The following FARP1 variants were observed in gnomAD, a reference collection of about 807,000 sequenced individuals.
FARP1 encodes FERM, ARHGEF and pleckstrin domain-containing protein 1.
Under a neutral mutation model 128.8 loss-of-function variants are expected in FARP1, and 52 were observed. The observed-to-expected ratio is 0.40, with a 90% CI of 0.32 to 0.51. FARP1 has a LOEUF of 0.51. Ranked by LOEUF, FARP1 falls within the 20% of genes least tolerant of loss-of-function variation. The pLI is 0.45. For synonymous variants in FARP1, 580 were observed against 551.8 expected (o/e 1.05, Z -0.72); for missense variants, 1,333 against 1,367.9 (o/e 0.97, Z 0.40).
At chr13:98,203,149 AGTCAGCTCTCCTTC>A (rs1411421022) in intron 1 of FARP1, among the ~76,000 whole-genome samples, 1 of 152,232 alleles carries the variant, frequency 6.6e-6, no homozygotes, top group East Asian at 1.9e-4. Flanking sequence ...GCCTCACTGG[AGTCAGCTCTCCTTC>A]CAGTTACCTC....
intron 16 of FARP1, among the ~76,000 whole-genome samples, chr13:98,417,645 G>T (rs566435478): frequency 6.6e-6 from 1 of 152,130 alleles, no homozygotes; most frequent in African/African-American, 2.4e-5. Flanking sequence ...GTGTCCTGAG[G>T]GATTGGAGAT....
chr13:98,144,818 G>C (rs1875397362), intron 1 of FARP1, among the ~76,000 whole-genome samples: 1 of 152,168 alleles, frequency 6.6e-6, no homozygotes, highest in African/African-American at 2.4e-5. Context: ...GGAGGGCCCT[G>C]CTTCATCCTA....
At chr13:98,367,818 C>T (rs891494517) in intron 4 of FARP1, among the ~76,000 whole-genome samples, 12 of 152,124 alleles carry the variant, frequency 7.9e-5, no homozygotes, top group African/African-American at 2.9e-4. Context: ...TTTTTGAAGA[C>T]AAATGACTTT....
In FARP1 at chr13:98,272,269, A is replaced by T. The variant is rs368190759; in HGVS notation, c.171+58856A>T. On this transcript the variant is annotated intron_variant, in intron 2 of 26. Transcript: ENST00000319562. ...TGCCTTGAACTCCTGAGCTCAGGTG[A>T]TCCGCCCACCTCACCCTCCCAAAGT... 9.2e-5 allele frequency among the ~76,000 whole-genome samples: 14 copies of T among 152,244 alleles called. 1 individual carries two copies. The highest frequency in any genetic ancestry group is 8.3e-4 in the South Asian group (4 of 4,826).
At chr13:98,348,790 G>A (rs770293356) in intron 3 of FARP1, among the ~76,000 whole-genome samples, 36 of 151,984 alleles carry the variant, frequency 2.4e-4, no homozygotes, top group Non-Finnish European at 5.0e-4. Flanking sequence ...TCTCTGCTTC[G>A]GACCTGTGCC....
At chr13:98,379,124 TATATATATAATATATAATCTATATATA>T in intron 6 of FARP1, among the ~76,000 whole-genome samples, 1 of 53,378 alleles carries the variant, frequency 1.9e-5, no homozygotes, top group African/African-American at 1.9e-4. Flanking sequence ...CTATATATAA[TATATATATAATATATAATCTATATATA>T]ATATATATAT....
At chr13:98,249,194 A>G (rs1883210235) in intron 2 of FARP1, among the ~76,000 whole-genome samples, 1 of 152,156 alleles carries the variant, frequency 6.6e-6, no homozygotes, top group Admixed American at 6.5e-5. Flanking sequence ...AATCGACTGT[A>G]TTTCAACTAA....
intron 1 of FARP1, among the ~76,000 whole-genome samples, chr13:98,171,887 G>C (rs142311555): frequency 6.6e-6 from 1 of 152,152 alleles, no homozygotes; most frequent in Non-Finnish European, 1.5e-5. Flanking sequence ...ATCTGCACAC[G>C]CGCTCGGTCA....
chr13:98,251,612 G>A (rs1490809298), intron 2 of FARP1, among the ~76,000 whole-genome samples: 2 of 151,722 alleles, frequency 1.3e-5, no homozygotes, highest in African/African-American at 4.8e-5. Context: ...GAACCCGGGA[G>A]GTGGAGGTTG....
At position 98,454,819 on chromosome 13, in the gene FARP1, AGAT is replaced by A. The variant is rs1311806678; in HGVS notation, c.*6506_*6508del. 1 of 152,238 alleles carries A rather than the reference AGAT, an allele frequency of 6.6e-6. No individual in the cohort carries two copies. Among genetic ancestry groups the A allele is most frequent in the Non-Finnish European group, 1.5e-5 (1 of 68,042 alleles). The allele number at this position is 152,238 out of a possible 1,614,324, so 9.4% of individuals were successfully genotyped here. ...GGGTACCACAGCCAAGCCTGCAGAG[AGAT>A]GATAAGCACCTCAAGAGGCAGCTCA... is the stretch of plus-strand genomic sequence containing the variant. On this transcript the variant is annotated 3_prime_UTR_variant, in exon 27 of 27. Transcript: ENST00000319562.
chr13:98,389,012 T>C (rs1045538916), intron 9 of FARP1, among the ~76,000 whole-genome samples: 5 of 152,264 alleles, frequency 3.3e-5, no homozygotes, highest in Non-Finnish European at 7.3e-5. Context: ...CTTCTTTGTC[T>C]GCCAGAAATG....
At position 98,409,341 on chromosome 13, in the gene FARP1, C is replaced by T. The variant is rs200120684; in HGVS notation, c.1418C>T (p.Ser473Phe). 3 of 1,601,314 alleles carry T rather than the reference C, an allele frequency of 1.9e-6. No homozygotes were observed. The highest frequency in any genetic ancestry group is 1.3e-5 in the African/African-American group (1 of 74,584). The change falls in exon 14 of 27, where the codon TCC becomes TTC. Residue 473 changes from serine (S) to phenylalanine (F), a missense_variant. Physicochemically the swap from Ser to Phe is radical, Grantham distance 155 (BLOSUM62 -2). Around this residue, in one of 2 missense-constraint regions of FARP1, gnomAD observed 1,009 missense variants for 969.8 expected, o/e 1.04. Transcript: ENST00000319562. ...KPQPPQPSTGSLTGSPHLSEL... is the reference protein window; with the variant it reads ...KPQPPQPSTGFLTGSPHLSEL... ...AAAACTTCTCATCCCCAAACAGGCTCCCTGACTGGCAGTCCTCACCTTTCC... is the reference window on the plus strand; with the variant it reads ...AAAACTTCTCATCCCCAAACAGGCTTCCTGACTGGCAGTCCTCACCTTTCC...
intron 2 of FARP1, among the ~76,000 whole-genome samples, chr13:98,240,290 C>T (rs1394994412): frequency 6.6e-6 from 1 of 152,188 alleles, no homozygotes; most frequent in East Asian, 1.9e-4. Context: ...GAGGGGTCAG[C>T]GAGTGCTGGC....
intron 2 of FARP1, among the ~76,000 whole-genome samples, chr13:98,274,696 G>A (rs1258903053): frequency 6.6e-6 from 1 of 152,118 alleles, no homozygotes; most frequent in Non-Finnish European, 1.5e-5. Context: ...AAATCAAAGT[G>A]ACCGGATGGT....
At chr13:98,362,821 C>T (rs758535446) in intron 3 of FARP1, among the ~76,000 whole-genome samples, 6 of 152,228 alleles carry the variant, frequency 3.9e-5, no homozygotes, top group Non-Finnish European at 8.8e-5. Context: ...GGAGGTGGCA[C>T]CAGTGTCTGC....
chr13:98,443,755 G>A (rs964308277), intron 24 of FARP1, among the ~76,000 whole-genome samples: 3 of 151,392 alleles, frequency 2.0e-5, no homozygotes, highest in Admixed American at 2.0e-4. Flanking sequence ...AAGGGCCAGA[G>A]GCAAAGCAAT....
At chr13:98,184,691 A>C (rs898398013) in intron 1 of FARP1, among the ~76,000 whole-genome samples, 1 of 152,016 alleles carries the variant, frequency 6.6e-6, no homozygotes, top group Admixed American at 6.6e-5. Flanking sequence ...GCAGTGGCCA[A>C]CTCCACAGCC....
intron 2 of FARP1, among the ~76,000 whole-genome samples, chr13:98,308,009 C>CG (rs5806057): frequency 0.47 from 63,953 of 136,892 alleles, 17,624 homozygotes; most frequent in East Asian, 0.62. Flanking sequence ...TGCCTGCCCC[C>CG]CTCCGCCCGC....
At chr13:98,226,790 A>G (rs1594293733) in intron 2 of FARP1, among the ~76,000 whole-genome samples, 3 of 152,252 alleles carry the variant, frequency 2.0e-5, no homozygotes, top group Middle Eastern at 6.8e-3. Context: ...GTGAACTGTA[A>G]GAGCGATTGG....
Sources: gnomAD v4.1 joint callset for allele counts (sites outside exome capture counted in the v4.1 genomes callset) on GRCh38, gnomAD v4.1.1 for gene constraint, gnomAD v4.1.1 regional missense constraint, MANE v1.5 for transcripts, NCBI Gene and HGNC (gene_info 2026-07-23, HGNC 2026-07-21) for gene names.